Variants in THRB observed in about 807,000 individuals in gnomAD.
The protein encoded by THRB is nuclear receptor subfamily 1 group A member 2.
In THRB, 12 loss-of-function variants were observed where a neutral mutation model predicts 47.8. The ratio of observed to expected loss-of-function variants is 0.25; its 90% CI spans 0.16 to 0.41. The LOEUF (loss-of-function observed/expected upper bound fraction) is 0.41. THRB is among the 10% of genes least tolerant of loss of function. The probability of loss-of-function intolerance (pLI) is 1.00; values close to 1 mark genes in which losing one functional copy is unlikely to be tolerated. For missense variants in THRB, 348 were observed against 589.2 expected (o/e 0.59, Z 4.24); for synonymous variants, 218 against 212.2 (o/e 1.03, Z -0.24).
chr3:24,337,356 G>T lies in THRB; in HGVS notation c.-245C>A, dbSNP rs780345620. Reference sequence around the variant, plus strand: ...GGCACCCACGCAGGACAGCCAACCAGAAGGAAATCGCAGATCTGGAAAAAA... The same window carrying T: ...GGCACCCACGCAGGACAGCCAACCATAAGGAAATCGCAGATCTGGAAAAAA... On this transcript the variant is annotated 5_prime_UTR_variant, in exon 2 of 11. In the 5' UTR this introduces an upstream ATG that the reference lacks. Transcript: ENST00000646209. The T allele has an allele frequency of 6.6e-6, 1 of 152,174 alleles. No homozygotes were observed. The highest frequency in any genetic ancestry group is 1.5e-5 in the Non-Finnish European group (1 of 68,032). 9.4% of individuals were successfully genotyped at this position (152,174 alleles called of 1,614,324 possible).
intron 1 of THRB, among the ~76,000 whole-genome samples, chr3:24,477,085 G>GTGT (rs1695581588): frequency 7.3e-6 from 1 of 137,574 alleles, no homozygotes; most frequent in African/African-American, 2.7e-5. Flanking sequence ...CATATAAAGG[G>GTGT]GTGTGTGTGT....
intron 1 of THRB, among the ~76,000 whole-genome samples, chr3:24,442,206 C>G (rs1200990212): frequency 6.6e-6 from 1 of 152,184 alleles, no homozygotes; most frequent in African/African-American, 2.4e-5. Context: ...AGAGCAACCA[C>G]AGTGTTTATT....
At chr3:24,431,500 A>G (rs1029272670) in intron 1 of THRB, among the ~76,000 whole-genome samples, 1 of 152,138 alleles carries the variant, frequency 6.6e-6, no homozygotes, top group African/African-American at 2.4e-5. Context: ...AATGTTAGCA[A>G]GGATGTGGAG....
At chr3:24,184,323 T>C (rs1313033290) in intron 5 of THRB, among the ~76,000 whole-genome samples, 2 of 152,190 alleles carry the variant, frequency 1.3e-5, no homozygotes, top group African/African-American at 4.8e-5. Flanking sequence ...GTGTAAGTAT[T>C]TCCCTGGGAC....
intron 1 of THRB, among the ~76,000 whole-genome samples, chr3:24,343,200 T>G (rs1215450317): frequency 1.3e-5 from 2 of 152,166 alleles, no homozygotes; most frequent in South Asian, 4.1e-4. Flanking sequence ...CTTAAGTAAT[T>G]TGTAGAAGTT....
intron 2 of THRB, among the ~76,000 whole-genome samples, chr3:24,300,355 A>C (rs2056851013): frequency 6.6e-6 from 1 of 152,216 alleles, no homozygotes; most frequent in African/African-American, 2.4e-5. Flanking sequence ...ATACTCATCC[A>C]TCCATGTAGT....
At chr3:24,279,004 C>T (rs2054233097) in intron 3 of THRB, among the ~76,000 whole-genome samples, 1 of 152,084 alleles carries the variant, frequency 6.6e-6, no homozygotes, top group South Asian at 2.1e-4. Context: ...ACTACCACGT[C>T]CAGCTAGTTT....
intron 5 of THRB, among the ~76,000 whole-genome samples, chr3:24,174,925 G>A (rs1467934590): frequency 6.6e-6 from 1 of 152,162 alleles, no homozygotes; most frequent in Non-Finnish European, 1.5e-5. Flanking sequence ...CCATATTTAT[G>A]TCCAAAATGG....
chr3:24,237,151 C>T (rs1011478935), intron 3 of THRB, among the ~76,000 whole-genome samples: 1 of 152,112 alleles, frequency 6.6e-6, no homozygotes, highest in Non-Finnish European at 1.5e-5. Context: ...GTACCGTATC[C>T]CAGGTATTAA....
At chr3:24,428,913 T>C (rs2070072667) in intron 1 of THRB, among the ~76,000 whole-genome samples, 1 of 151,136 alleles carries the variant, frequency 6.6e-6, no homozygotes, top group South Asian at 2.1e-4. Context: ...TAAGCACATA[T>C]ATATGTTTAA....
At chr3:24,124,565 T>C (rs2032354740) in intron 10 of THRB, among the ~76,000 whole-genome samples, 1 of 152,208 alleles carries the variant, frequency 6.6e-6, no homozygotes, top group Admixed American at 6.5e-5. Context: ...TTGATGATGC[T>C]TGAATCACAC....
intron 3 of THRB, among the ~76,000 whole-genome samples, chr3:24,275,585 G>A (rs2053837779): frequency 6.6e-6 from 1 of 152,190 alleles, no homozygotes; most frequent in South Asian, 2.1e-4. Context: ...TCATGTCACT[G>A]TTTTGGGGGG....
chr3:24,303,306 G>A (rs1418162584), intron 2 of THRB, among the ~76,000 whole-genome samples: 1 of 152,196 alleles, frequency 6.6e-6, no homozygotes, highest in Admixed American at 6.5e-5. Flanking sequence ...GTGAGTGTTT[G>A]GGCCAAAGGG....
At chr3:24,466,860 G>A (rs74348983) in intron 1 of THRB, among the ~76,000 whole-genome samples, 2,038 of 152,266 alleles carry the variant, frequency 0.013, 34 homozygotes, top group African/African-American at 0.041. Context: ...ACTGATCAGG[G>A]TGATGGTTGC....
At chr3:24,408,875 G>A (rs2068045550) in intron 1 of THRB, among the ~76,000 whole-genome samples, 1 of 151,668 alleles carries the variant, frequency 6.6e-6, no homozygotes. Context: ...GGGCTTATTT[G>A]AACATTAAAC....
intron 5 of THRB, among the ~76,000 whole-genome samples, chr3:24,189,750 C>G (rs142836091): frequency 1.3e-5 from 2 of 152,108 alleles, no homozygotes; most frequent in Non-Finnish European, 2.9e-5. Context: ...AAAAATACAG[C>G]GATGCCTGTT....
intron 1 of THRB, among the ~76,000 whole-genome samples, chr3:24,414,698 G>T (rs78758215): frequency 0.06 from 9,178 of 151,864 alleles, 399 homozygotes; most frequent in African/African-American, 0.13. Flanking sequence ...ACTTAAAGGG[G>T]TAAAATATAA....
chr3:24,206,082 G>C (rs1190115864), intron 4 of THRB, among the ~76,000 whole-genome samples: 1 of 152,108 alleles, frequency 6.6e-6, no homozygotes, highest in Non-Finnish European at 1.5e-5. Context: ...GTCAACATTA[G>C]ACAGATCAAC....
intron 3 of THRB, among the ~76,000 whole-genome samples, chr3:24,294,221 A>C (rs1230699407): frequency 1.3e-5 from 2 of 152,220 alleles, no homozygotes; most frequent in Non-Finnish European, 2.9e-5. Context: ...CTAAACGGAG[A>C]GACCACGTGA....
Sources: gnomAD v4.1 joint callset for allele counts (sites outside exome capture counted in the v4.1 genomes callset) on GRCh38, gnomAD v4.1.1 for gene constraint, MANE v1.5 for transcripts, NCBI Gene and HGNC (gene_info 2026-07-23, HGNC 2026-07-21) for gene names.